The following CTNNA1 variants were observed in gnomAD, a reference collection of about 807,000 sequenced individuals.
CTNNA1 encodes catenin alpha 1.
In CTNNA1, 37 loss-of-function variants were observed where a neutral mutation model predicts 98.4. The ratio of observed to expected loss-of-function variants is 0.38; its 90% CI spans 0.29 to 0.49. The LOEUF is 0.49. Ranked by LOEUF, CTNNA1 falls within the 20% of genes least tolerant of loss-of-function variation. The probability of loss-of-function intolerance (pLI) is 0.95; values close to 1 mark genes in which losing one functional copy is unlikely to be tolerated. For missense variants in CTNNA1, 761 were observed against 1,147.2 expected, an observed-to-expected ratio of 0.66 and a Z score of 4.86; for synonymous variants, 404 against 413.2, an observed-to-expected ratio of 0.98 and a Z score of 0.27.
intron 3 of CTNNA1, among the ~76,000 whole-genome samples, chr5:138,784,883 T>C (rs1406651879): frequency 6.6e-6 from 1 of 152,110 alleles, no homozygotes; most frequent in Non-Finnish European, 1.5e-5. Flanking sequence ...TTCCCTCTTC[T>C]TATAAGGACA....
rs1421069460 is a variant in CTNNA1 at position 138,872,953 on chromosome 5, C to T, written c.1063-13259C>T. The T allele has an allele frequency of 1.2e-5, 15 of 1,267,466 alleles. No homozygotes were observed. In the African/African-American group the frequency reaches 1.6e-4, roughly 14 times the overall value. 78.5% of individuals were successfully genotyped at this position (1,267,466 alleles called of 1,614,324 possible). A position where few individuals can be genotyped will look rare whatever the true frequency, so the allele number is the denominator to read the frequency against. On this transcript the variant is annotated intron_variant, in intron 7 of 17. Coordinates refer to ENST00000302763, the MANE Select transcript of CTNNA1 (RefSeq NM_001903.5). Reference sequence around the variant, plus strand: ...TGGTAAAAATTAGATATGTATTTAGCCTCTACTATGTAAAATAGGTTACTT... The same window carrying T: ...TGGTAAAAATTAGATATGTATTTAGTCTCTACTATGTAAAATAGGTTACTT...
rs376506126 is a variant in CTNNA1, at chr5:138,872,961, A to G, written c.1063-13251A>G. Reference sequence around the variant, plus strand: ...ATTAGATATGTATTTAGCCTCTACTATGTAAAATAGGTTACTTATCTGATG... The same window carrying G: ...ATTAGATATGTATTTAGCCTCTACTGTGTAAAATAGGTTACTTATCTGATG... On this transcript the variant is annotated intron_variant, in intron 7 of 17. Transcript: ENST00000302763. 111 of 1,364,868 alleles carry G rather than the reference A, an allele frequency of 8.1e-5. 1 individual carries two copies. In the Middle Eastern group the frequency reaches 3.9e-3, roughly 48 times the overall value. The allele number at this position is 1,364,868 out of a possible 1,614,324, so 84.5% of individuals were successfully genotyped here.
At chr5:138,914,037 A>G (rs996253870) in intron 10 of CTNNA1, among the ~76,000 whole-genome samples, 17 of 152,150 alleles carry the variant, frequency 1.1e-4, no homozygotes, top group African/African-American at 3.6e-4. Context: ...TTCTATTCCA[A>G]ATTTAGTAAG....
intron 1 of CTNNA1, among the ~76,000 whole-genome samples, chr5:138,781,152 C>T (rs6893685): frequency 1.3e-5 from 2 of 152,118 alleles, no homozygotes; most frequent in Non-Finnish European, 2.9e-5. Context: ...AGGAATCCAT[C>T]AAAAAATGAA....
intron 3 of CTNNA1, among the ~76,000 whole-genome samples, chr5:138,801,875 C>A (rs994245137): frequency 1.3e-5 from 2 of 152,014 alleles, no homozygotes; most frequent in Non-Finnish European, 2.9e-5. Context: ...AAATGTTGAC[C>A]CTGCTGCTAT....
At chr5:138,863,134 G>C (rs1764436652) in intron 7 of CTNNA1, among the ~76,000 whole-genome samples, 1 of 151,718 alleles carries the variant, frequency 6.6e-6, no homozygotes. Flanking sequence ...ACTTGCCCCT[G>C]TTGAAAATCT....
At chr5:138,865,496 G>A (rs1764672078) in intron 7 of CTNNA1, among the ~76,000 whole-genome samples, 1 of 152,166 alleles carries the variant, frequency 6.6e-6, no homozygotes, top group African/African-American at 2.4e-5. Context: ...TTTCACTTAA[G>A]TGTCTCTTTT....
chr5:138,883,630 T>C (rs1177262991), intron 7 of CTNNA1, among the ~76,000 whole-genome samples: 1 of 152,204 alleles, frequency 6.6e-6, no homozygotes, highest in African/African-American at 2.4e-5. Flanking sequence ...TTTCAGGTTG[T>C]AGGGGATTGG....
At chr5:138,871,491 G>A (rs1006450301) in intron 7 of CTNNA1, 1 of 152,144 alleles carries the variant, frequency 6.6e-6, no homozygotes, top group Non-Finnish European at 1.5e-5. Flanking sequence ...GAAAAATGTG[G>A]CATCCTTATC....
At chr5:138,851,526 G>T (rs1763181871) in intron 7 of CTNNA1, among the ~76,000 whole-genome samples, 1 of 152,142 alleles carries the variant, frequency 6.6e-6, no homozygotes, top group African/African-American at 2.4e-5. Context: ...GGGAGGCCGA[G>T]GGGGGCAGAT....
chr5:138,921,268 C>G (rs894551352), intron 11 of CTNNA1, among the ~76,000 whole-genome samples: 4 of 152,214 alleles, frequency 2.6e-5, no homozygotes, highest in South Asian at 2.1e-4. Flanking sequence ...TTTCCATTCT[C>G]TGTGCTTACA....
chr5:138,904,373 T>C lies in CTNNA1; in HGVS notation c.1321T>C (p.Ser441Pro), dbSNP rs1758712643. ...GGTTGCCAACTTGGCCTGTTCCATC[T>C]CAAATAATGAAGAAGGTGTAAAGCT... ...IEVANLACSI[S>P]NNEEGVKLVR... Residue 441 changes from serine to proline, a missense_variant, in exon 10 of 18, where the codon TCA becomes CCA. Around this residue, in one of 6 missense-constraint regions of CTNNA1, gnomAD observed 287 missense variants for 436.0 expected, o/e 0.66. Coordinates refer to ENST00000302763, the MANE Select transcript of CTNNA1 (RefSeq NM_001903.5). 6.2e-7 allele frequency: 1 copy of C among 1,614,054 alleles called. No homozygotes were observed.
chr5:138,797,980 T>C, intron 3 of CTNNA1, among the ~76,000 whole-genome samples: 1 of 152,198 alleles, frequency 6.6e-6, no homozygotes, highest in South Asian at 2.1e-4. Context: ...ATTACTACTT[T>C]CTGCACTATA....
At chr5:138,789,889 G>T (rs1756162729) in intron 3 of CTNNA1, among the ~76,000 whole-genome samples, 1 of 152,200 alleles carries the variant, frequency 6.6e-6, no homozygotes. Flanking sequence ...TCAAGGGGGA[G>T]CTCTTTCCAG....
At chr5:138,806,731 A>T (rs929325288) in intron 3 of CTNNA1, among the ~76,000 whole-genome samples, 4 of 152,062 alleles carry the variant, frequency 2.6e-5, no homozygotes, top group Admixed American at 2.0e-4. Context: ...ACTAGATATT[A>T]TGCCTCTAAG....
intron 5 of CTNNA1, among the ~76,000 whole-genome samples, chr5:138,821,884 A>G (rs1301456922): frequency 1.3e-5 from 2 of 152,214 alleles, no homozygotes; most frequent in Non-Finnish European, 2.9e-5. Context: ...TTGGCATTAT[A>G]TATCTTGAAA....
chr5:138,850,893 T>C (rs577590284), intron 7 of CTNNA1, among the ~76,000 whole-genome samples: 2 of 152,350 alleles, frequency 1.3e-5, no homozygotes, highest in Admixed American at 6.5e-5. Context: ...GTGATTGATA[T>C]TAGTTTCTGC....
At chr5:138,780,415 A>G (rs1023609657) in intron 1 of CTNNA1, among the ~76,000 whole-genome samples, 14 of 150,630 alleles carry the variant, frequency 9.3e-5, no homozygotes, top group Admixed American at 3.3e-4. Flanking sequence ...GGATGGTCTC[A>G]ATCTCCTGAC....
Position 138,873,844 on chromosome 5 carries a change from G to T in CTNNA1, c.1063-12368G>T. The T allele has an allele frequency of 6.2e-7, 1 of 1,614,024 alleles. No homozygotes were observed. Among genetic ancestry groups the T allele is most frequent in the Non-Finnish European group, 8.5e-7 (1 of 1,179,898 alleles). On this transcript the variant is annotated intron_variant, in intron 7 of 17. Transcript: ENST00000302763. This position sits in a 1 kb window ranked among gnomAD's most constrained non-coding sequence, Gnocchi z 6.1. ...TCCCACATGTCAAGTTGCTGATTTT[G>T]TTCCATTGTAAGAAGAGCGTGTGCA...
Sources: allele counts gnomAD v4.1 joint callset (sites outside exome capture counted in the v4.1 genomes callset), GRCh38; gene constraint gnomAD v4.1.1; regional missense constraint gnomAD v4.1.1; non-coding constraint Gnocchi (gnomAD v3.1); transcripts MANE v1.5; gene names NCBI Gene and HGNC (gene_info 2026-07-23, HGNC 2026-07-21).